Variants in GIGYF2 observed in about 807,000 individuals in gnomAD.
GIGYF2 encodes the protein GRB10 interacting GYF protein 2, also known as GRB10-interacting GYF protein 2.
In GIGYF2, 25 loss-of-function variants were observed where a neutral mutation model predicts 208.1. The observed-to-expected ratio is 0.12, with a 90% CI of 0.09 to 0.17. The LOEUF is 0.17. GIGYF2 is among the 10% of genes least tolerant of loss of function. GIGYF2 has a pLI of 1.00. For missense variants in GIGYF2, 1,302 were observed against 1,579.4 expected (o/e 0.82, Z 2.98); for synonymous variants, 534 against 543.8 (o/e 0.98, Z 0.25).
At chr2:232,713,495 T>G (rs1696526614) in intron 2 of GIGYF2, among the ~76,000 whole-genome samples, 1 of 152,266 alleles carries the variant, frequency 6.6e-6, no homozygotes, top group Admixed American at 6.5e-5. Flanking sequence ...CATCTTACAT[T>G]ACTATGGTAC....
chr2:232,816,993 G>A lies in GIGYF2; in HGVS notation c.2331G>A (p.Arg777=). The change falls in exon 20 of 29, where the codon AGG becomes AGA. Residue 777 remains arginine (R), a synonymous_variant. Coordinates refer to ENST00000373563, the MANE Select transcript of GIGYF2 (RefSeq NM_001103146.3). ...EILRRQQEEE[R]KRREEEELAR... ...TTCGGCGACAGCAGGAAGAAGAAAG[G>A]AAAAGGCGAGAGGAAGAAGAACTTG... is the stretch of plus-strand genomic sequence containing the variant. The A allele has an allele frequency of 6.2e-7, 1 of 1,613,766 alleles. No individual in the cohort carries two copies. Among genetic ancestry groups the A allele is most frequent in the African/African-American group, 1.3e-5 (1 of 75,028 alleles).
chr2:232,756,187 TCC>T (rs1553609625), intron 5 of GIGYF2, 34 bp from the exon 6 acceptor site: 2 of 1,247,654 alleles, frequency 1.6e-6, no homozygotes, highest in South Asian at 1.3e-5. Flanking sequence ...TTTCTTTTTT[TCC>T]TTTTTCTCTT....
intron 21 of GIGYF2, among the ~76,000 whole-genome samples, chr2:232,821,365 A>G (rs1329653925): frequency 1.3e-5 from 2 of 151,998 alleles, no homozygotes; most frequent in African/African-American, 2.4e-5. Context: ...ACGCTCGGCT[A>G]ATTTTTGTAT....
chr2:232,841,806 G>T (rs905966554), intron 23 of GIGYF2, among the ~76,000 whole-genome samples: 1 of 151,984 alleles, frequency 6.6e-6, no homozygotes, highest in Non-Finnish European at 1.5e-5. Context: ...CTCTCAGCTT[G>T]CTTTATAGCT....
rs1233211908 is a variant in GIGYF2 at position 232,844,026 on chromosome 2, C to T, written c.2890-20C>T. 1 of 1,609,480 alleles carries T rather than the reference C, an allele frequency of 6.2e-7. No homozygotes were observed. Among genetic ancestry groups the T allele is most frequent in the South Asian group, 1.1e-5 (1 of 90,926 alleles). ...TCTAAAAACAGGAATCCTCAGCTAG[C>T]TTCTGTTTTTATGCAACAGCAAAGG... On this transcript the variant is annotated intron_variant, in intron 23 of 28. Transcript: ENST00000373563.
rs121918542 is a variant in GIGYF2, at chr2:232,768,790, G to A, written c.532+7354G>A. 1 of 1,602,284 alleles carries A rather than the reference G, an allele frequency of 6.2e-7. No homozygotes were observed. The highest frequency in any genetic ancestry group is 8.5e-7 in the Non-Finnish European group (1 of 1,171,470). On this transcript the variant is annotated intron_variant, in intron 8 of 28. Transcript: ENST00000373563. ...ATTGAAAAAGCTCGATTTTTTGGCC[G>A]GGCAATCTTCGCCACAAAAGCACCT...
At chr2:232,729,768 C>T (rs1697366098) in intron 2 of GIGYF2, 1 of 751,384 alleles carries the variant, frequency 1.3e-6, no homozygotes, top group South Asian at 1.4e-5. Context: ...GGTTTCACAT[C>T]TATAAGATGG....
Position 232,855,087 on chromosome 2 carries a change from T to G in GIGYF2, c.3833-1706T>G, listed in dbSNP as rs1490407433. ...CTTTTTTTCTTTTTCTTTCTTTTTTTTTTTTTTTTTTTTTTTTGAGACAAG... is the reference window on the plus strand; with the variant it reads ...CTTTTTTTCTTTTTCTTTCTTTTTTGTTTTTTTTTTTTTTTTTGAGACAAG... On this transcript the variant is annotated intron_variant, in intron 28 of 28. Coordinates refer to ENST00000373563, the MANE Select transcript of GIGYF2 (RefSeq NM_001103146.3). Among the ~76,000 whole-genome samples the G allele has an allele frequency of 4.0e-5, 4 of 100,960 alleles. No homozygotes were observed. The Admixed American group carries it at 4.0e-4, about 10-fold the overall frequency. 66.2% of individuals were successfully genotyped at this position (100,960 alleles called of 152,430 possible).
chr2:232,768,715 G>T, intron 8 of GIGYF2: 1 of 1,602,888 alleles, frequency 6.2e-7, no homozygotes, highest in Non-Finnish European at 8.5e-7. Flanking sequence ...TGGAAGATAA[G>T]ATTAGGTTTG....
At chr2:232,811,025 A>T (rs1384398845) in intron 16 of GIGYF2, 3 of 496,618 alleles carry the variant, frequency 6.0e-6, no homozygotes, top group Non-Finnish European at 1.1e-5. Context: ...ATCCTCTTTC[A>T]CTCGGAAACA....
chr2:232,713,359 T>G (rs988800089), intron 2 of GIGYF2, among the ~76,000 whole-genome samples: 18 of 152,250 alleles, frequency 1.2e-4, no homozygotes, highest in Admixed American at 8.5e-4. Context: ...ATTACAGGCA[T>G]GAGCCACTGG....
At chr2:232,729,030 G>A (rs1435534942) in intron 2 of GIGYF2, among the ~76,000 whole-genome samples, 1 of 151,926 alleles carries the variant, frequency 6.6e-6, no homozygotes, top group Non-Finnish European at 1.5e-5. Flanking sequence ...CCAGGCTGGA[G>A]GGCAGTGGTG....
chr2:232,734,209 C>T (rs1439516772), intron 2 of GIGYF2, among the ~76,000 whole-genome samples: 6 of 150,750 alleles, frequency 4.0e-5, no homozygotes. Flanking sequence ...CTTGGCCTCC[C>T]AAATTATAAA....
At chr2:232,826,722 A>G (rs1443692279) in intron 21 of GIGYF2, among the ~76,000 whole-genome samples, 2 of 152,228 alleles carry the variant, frequency 1.3e-5, no homozygotes, top group African/African-American at 4.8e-5. Context: ...TGGGCAAAGG[A>G]TATGATTGAC....
At chr2:232,740,033 A>G (rs921608295) in intron 3 of GIGYF2, among the ~76,000 whole-genome samples, 4 of 151,820 alleles carry the variant, frequency 2.6e-5, no homozygotes, top group African/African-American at 9.7e-5. Context: ...CAGGAGAATT[A>G]CTTGAACACG....
At chr2:232,782,647 A>T (rs1699756350) in intron 8 of GIGYF2, 2 of 152,252 alleles carry the variant, frequency 1.3e-5, no homozygotes, top group African/African-American at 4.8e-5. Flanking sequence ...TCCCTGTAAC[A>T]ATGAGAATGA....
chr2:232,771,290 C>A, intron 8 of GIGYF2: 12 of 1,609,700 alleles, frequency 7.5e-6, no homozygotes, highest in Non-Finnish European at 1.0e-5. Flanking sequence ...GTGCTGTGGC[C>A]ATCCTTGGTG....
At chr2:232,722,040 CCTT>C (rs1327033985) in intron 2 of GIGYF2, among the ~76,000 whole-genome samples, 1 of 152,176 alleles carries the variant, frequency 6.6e-6, no homozygotes, top group Admixed American at 6.6e-5. Context: ...CTCTACTTTG[CCTT>C]CTTATTCTTC....
At chr2:232,752,829 C>T (rs1444864615) in intron 5 of GIGYF2, among the ~76,000 whole-genome samples, 3 of 152,066 alleles carry the variant, frequency 2.0e-5, no homozygotes, top group Non-Finnish European at 4.4e-5. Flanking sequence ...CATGAGCCAC[C>T]GCGCCTGGCC....
Sources: allele counts gnomAD v4.1 joint callset (sites outside exome capture counted in the v4.1 genomes callset), GRCh38; gene constraint gnomAD v4.1.1; transcripts MANE v1.5; gene names NCBI Gene and HGNC (gene_info 2026-07-23, HGNC 2026-07-21).